Variants in FRYL observed in about 807,000 individuals in gnomAD.
FRYL encodes protein furry homolog-like.
FRYL carries 150 observed loss-of-function variants against 351.2 expected under a neutral mutation model. That is an observed-to-expected ratio of 0.43 (90% CI 0.37 to 0.49). The LOEUF (loss-of-function observed/expected upper bound fraction) is 0.49, where lower values mean the gene tolerates loss of function less well. Among genes scored for constraint, FRYL ranks in the 20% least tolerant of loss-of-function variants. The pLI is 0.00. For missense variants in FRYL, 3,036 were observed against 3,619.3 expected (o/e 0.84, Z 4.13); for synonymous variants, 1,153 against 1,257.1 (o/e 0.92, Z 1.75).
chr4:48,736,634 G>T (rs1039960430), intron 1 of FRYL, among the ~76,000 whole-genome samples: 1 of 151,922 alleles, frequency 6.6e-6, no homozygotes, highest in African/African-American at 2.4e-5. Context: ...CGGATCACCT[G>T]AGGTCAAGAG....
Position 48,547,663 on chromosome 4 carries a change from G to A in FRYL, c.4995C>T (p.Val1665=), listed in dbSNP as rs1731651481. The A allele has an allele frequency of 1.9e-6, 3 of 1,608,048 alleles. No homozygotes were observed. The highest frequency in any genetic ancestry group is 1.7e-5 in the Admixed American group (1 of 59,906). The part of the protein sequence containing the change: ...PNSNIRTVAS[V]LLRNKEFNEP... ...CATTAAACTCCTTGTTCCTGAGAAG[G>A]ACAGAAGCAACAGTTCGGATGTTAC... Residue 1665 remains valine (V), a synonymous_variant, in exon 41 of 64, where the codon GTC becomes GTT. Coordinates refer to ENST00000358350, the MANE Select transcript of FRYL (RefSeq NM_015030.2).
chr4:48,572,515 G>C (rs1008663596), intron 26 of FRYL, among the ~76,000 whole-genome samples: 10 of 152,232 alleles, frequency 6.6e-5, no homozygotes, highest in African/African-American at 2.4e-4. Flanking sequence ...TGTCCACTGA[G>C]GAACGTGCTT....
At chr4:48,661,011 A>T (rs1760596031) in intron 3 of FRYL, among the ~76,000 whole-genome samples, 1 of 152,222 alleles carries the variant, frequency 6.6e-6, no homozygotes, top group African/African-American at 2.4e-5. Context: ...GATAAAAATA[A>T]GACAAATTCA....
chr4:48,652,785 A>G (rs910732526), intron 3 of FRYL, among the ~76,000 whole-genome samples: 35 of 152,210 alleles, frequency 2.3e-4, no homozygotes, highest in Admixed American at 7.9e-4. Flanking sequence ...GGAAAAATGT[A>G]AATTTAATTT....
Position 48,565,577 on chromosome 4 carries a change from C to G in FRYL, c.3284G>C (p.Ser1095Thr). The change falls in exon 29 of 64, where the codon AGT (serine) becomes ACT (threonine). Residue 1095 changes from serine (S) to threonine (T), a missense_variant. By Grantham distance (58) the Ser-to-Thr change is moderately conservative. Around this residue, in one of 7 missense-constraint regions of FRYL, gnomAD observed 1,987 missense variants for 2,311.7 expected, o/e 0.86. Transcript: ENST00000358350. ...SIMFTPLDRY[S>T]DRNMQINRHQ... ...TCTATTAATTTGCATATTTCTATCA[C>G]TGTATCTGTCCAAGGGCGTAAACAT... 2 of 1,612,880 alleles carry G rather than the reference C, an allele frequency of 1.2e-6. No individual in the cohort carries two copies. The highest frequency in any genetic ancestry group is 1.7e-6 in the Non-Finnish European group (2 of 1,179,704).
In FRYL at chr4:48,535,802, G is replaced by A; in HGVS notation, c.6419C>T (p.Thr2140Ile). The A allele has an allele frequency of 6.5e-7, 1 of 1,548,828 alleles. No homozygotes were observed. Among genetic ancestry groups the A allele is most frequent in the South Asian group, 1.3e-5 (1 of 78,790 alleles). The change falls in exon 48 of 64, where the codon ACA (threonine) becomes ATA (isoleucine). Residue 2140 changes from threonine to isoleucine, a missense_variant. Thr to Ile is a moderately conservative substitution (Grantham distance 89). Around this residue, in one of 7 missense-constraint regions of FRYL, gnomAD observed 1,987 missense variants for 2,311.7 expected, o/e 0.86. Coordinates refer to ENST00000358350, the MANE Select transcript of FRYL (RefSeq NM_015030.2). ...AKVCAEEKCP[T>I]LVNLAHMMSL... ...CATCATGTGTGCCAGATTGACAAGT[G>A]TTGGGCATTTTTCTTCTGCACAAAC...
In FRYL at chr4:48,567,290, G is replaced by A; in HGVS notation, c.3127C>T (p.His1043Tyr). The change falls in exon 28 of 64, where the codon CAT (histidine) becomes TAT (tyrosine). Residue 1043 changes from histidine to tyrosine, a missense_variant. Transcript: ENST00000358350. This position sits in a 1 kb window ranked among gnomAD's most constrained non-coding sequence, Gnocchi z 4.2. The part of the protein sequence containing the change: ...DSDTLKDIRC[H>Y]FSALVANIIQ... ...ATATTCGCCACTAAGGCACTAAAAT[G>A]GCATCGTATATCCTTCAGTGTGTCA... 1.2e-6 allele frequency: 2 copies of A among 1,611,618 alleles called. No individual in the cohort carries two copies. The highest frequency in any genetic ancestry group is 2.2e-5 in the East Asian group (1 of 44,734).
rs1747510704 is a variant in FRYL at position 48,609,168 on chromosome 4, T to G, written c.492-101A>C. On this transcript the variant is annotated intron_variant, in intron 8 of 63. Transcript: ENST00000358350. ...TTCCTTATCAGAGTATTGTATAATT[T>G]TCTCTGAATATTCATTTATATGATA... 4.3e-6 allele frequency: 3 copies of G among 697,258 alleles called. No individual in the cohort carries two copies. The African/African-American group carries it at 5.5e-5, about 13-fold the overall frequency. The allele number at this position is 697,258 out of a possible 1,614,324, so 43.2% of individuals were successfully genotyped here.
chr4:48,503,469 A>G (rs1002396337), intron 60 of FRYL, among the ~76,000 whole-genome samples: 2 of 152,222 alleles, frequency 1.3e-5, no homozygotes, highest in African/African-American at 4.8e-5. Context: ...AGTAAGTTTC[A>G]GAAACTTAAC....
intron 1 of FRYL, among the ~76,000 whole-genome samples, chr4:48,714,922 C>A (rs1256106263): frequency 2.0e-5 from 3 of 149,424 alleles, no homozygotes; most frequent in Non-Finnish European, 4.5e-5. Context: ...AGCTTATCCA[C>A]CATGATCAAG....
chr4:48,706,389 C>T (rs1313266235), intron 2 of FRYL, among the ~76,000 whole-genome samples: 1 of 152,076 alleles, frequency 6.6e-6, no homozygotes, highest in Non-Finnish European at 1.5e-5. Flanking sequence ...AAGCCAGTCA[C>T]AAAAGGATAA....
intron 16 of FRYL, among the ~76,000 whole-genome samples, chr4:48,592,306 T>C (rs1257827226): frequency 6.6e-6 from 1 of 152,020 alleles, no homozygotes; most frequent in Admixed American, 6.6e-5. Context: ...AATTTGCATG[T>C]ATTTGATTAA....
chr4:48,625,277 C>T (rs1256309968), intron 4 of FRYL, among the ~76,000 whole-genome samples: 2 of 151,978 alleles, frequency 1.3e-5, no homozygotes, highest in Non-Finnish European at 2.9e-5. Flanking sequence ...TAATATGTCC[C>T]AGGGAAAAAA....
intron 3 of FRYL, among the ~76,000 whole-genome samples, chr4:48,654,400 C>T (rs929753853): frequency 9.9e-5 from 15 of 151,348 alleles, no homozygotes; most frequent in African/African-American, 3.6e-4. Flanking sequence ...AAATTCTCTC[C>T]ACCTCTCTAC....
At chr4:48,724,578 G>A (rs536377588) in intron 1 of FRYL, among the ~76,000 whole-genome samples, 6 of 152,166 alleles carry the variant, frequency 3.9e-5, no homozygotes, top group South Asian at 4.1e-4. Context: ...AGTTGGGTGC[G>A]GGGGGGCTGT....
intron 29 of FRYL, 25 bp from the exon 30 acceptor site, chr4:48,565,068 C>T: frequency 2.2e-6 from 3 of 1,343,534 alleles, no homozygotes; most frequent in Non-Finnish European, 3.1e-6. Context: ...ATTAGAATTA[C>T]ATTTAACAAA....
chr4:48,568,505 CATTT>C (rs1266365703), intron 27 of FRYL, among the ~76,000 whole-genome samples: 2 of 152,116 alleles, frequency 1.3e-5, no homozygotes, highest in African/African-American at 4.8e-5. Flanking sequence ...ATTACATATG[CATTT>C]GTTTAGGTCA....
At chr4:48,659,054 C>CA (rs1560805979) in intron 3 of FRYL, among the ~76,000 whole-genome samples, 1 of 151,964 alleles carries the variant, frequency 6.6e-6, no homozygotes, top group East Asian at 1.9e-4. Flanking sequence ...AACTTTACTA[C>CA]AAAAAGGAAG....
rs181826127 is a variant in FRYL, at chr4:48,729,772, C to A, written c.-383-19074G>T. On this transcript the variant is annotated intron_variant, in intron 1 of 63. Coordinates refer to ENST00000358350, the MANE Select transcript of FRYL (RefSeq NM_015030.2). Reference sequence around the variant, plus strand: ...CAAAGACCAAAGGTAGATAAAACCACAAAGATGGAGAGAAGCCACAGCAGA... The same window carrying A: ...CAAAGACCAAAGGTAGATAAAACCAAAAAGATGGAGAGAAGCCACAGCAGA... 3.2e-3 allele frequency among the ~76,000 whole-genome samples: 482 copies of A among 152,266 alleles called. 1 individual carries two copies. The highest frequency in any genetic ancestry group is 0.011 in the African/African-American group (462 of 41,550).
Sources: allele counts gnomAD v4.1 joint callset (sites outside exome capture counted in the v4.1 genomes callset), GRCh38; gene constraint gnomAD v4.1.1; regional missense constraint gnomAD v4.1.1; non-coding constraint Gnocchi (gnomAD v3.1); transcripts MANE v1.5; gene names NCBI Gene and HGNC (gene_info 2026-07-23, HGNC 2026-07-21).